Variants in KLHL4 observed in about 807,000 individuals in gnomAD.
KLHL4 encodes kelch like family member 4, also known as kelch-like protein 4.
A neutral mutation model predicts 45.8 loss-of-function variants in KLHL4; 17 were observed. The ratio of observed to expected loss-of-function variants is 0.37; its 90% CI spans 0.25 to 0.56. The LOEUF is 0.56. KLHL4 is among the 20% of genes least tolerant of loss of function. The pLI is 0.79. For synonymous variants in KLHL4, 224 were observed against 189.9 expected, an observed-to-expected ratio of 1.18 and a Z score of -1.47; for missense variants, 544 against 544.9, an observed-to-expected ratio of 1.00 and a Z score of 0.02.
In KLHL4 at chrX:87,614,444, A is replaced by G; in HGVS notation, c.601A>G (p.Ser201Gly). ...LRIPAHRLVLSAVSDYFAAMF... is the reference protein window; with the variant it reads ...LRIPAHRLVLGAVSDYFAAMF... Reference sequence around the variant, plus strand: ...ATTTCCTATTTCCAGGTTGGTTCTCAGCGCAGTGTCTGATTATTTTGCTGC... The same window carrying G: ...ATTTCCTATTTCCAGGTTGGTTCTCGGCGCAGTGTCTGATTATTTTGCTGC... The change falls in exon 3 of 11, where the codon AGC becomes GGC. Residue 201 changes from serine (S) to glycine (G), a missense_variant. By Grantham distance (56) the Ser-to-Gly change is moderately conservative. Transcript: ENST00000373119. The G allele has an allele frequency of 8.3e-7, 1 of 1,208,056 alleles. No homozygotes were observed. The highest frequency in any genetic ancestry group is 1.7e-5 in the African/African-American group (1 of 57,701).
At chrX:87,643,968 A>T (rs901448582) in intron 9 of KLHL4, among the ~76,000 whole-genome samples, 1 of 111,362 alleles carries the variant, frequency 9.0e-6, no homozygotes, top group South Asian at 3.8e-4. Context: ...AAAGTTGAAA[A>T]CATTCCCTCT....
intron 1 of KLHL4, among the ~76,000 whole-genome samples, chrX:87,541,747 G>A (rs1025399350): frequency 7.2e-5 from 8 of 111,290 alleles, no homozygotes; most frequent in Non-Finnish European, 1.9e-5. Flanking sequence ...GTGGGGCATT[G>A]CTATAAAGAT....
chrX:87,654,802 C>T (rs1248840969), intron 9 of KLHL4, among the ~76,000 whole-genome samples: 1 of 111,768 alleles, frequency 8.9e-6, no homozygotes, highest in East Asian at 2.8e-4. Flanking sequence ...TCTTTGCCAA[C>T]ATCTGTTATT....
At chrX:87,533,699 TATA>T (rs1000511367) in intron 1 of KLHL4, among the ~76,000 whole-genome samples, 3 of 110,139 alleles carry the variant, frequency 2.7e-5, no homozygotes, top group Non-Finnish European at 3.8e-5. Context: ...AAACTTAAAG[TATA>T]ATAATAATAA....
chrX:87,656,316 T>C (rs1009129949), intron 9 of KLHL4, among the ~76,000 whole-genome samples: 1 of 110,756 alleles, frequency 9.0e-6, no homozygotes, highest in Non-Finnish European at 1.9e-5. Flanking sequence ...CAGGAATACC[T>C]ATAATTTGTA....
chrX:87,654,804 T>A (rs910328848), intron 9 of KLHL4, among the ~76,000 whole-genome samples: 1 of 111,932 alleles, frequency 8.9e-6, no homozygotes, highest in Non-Finnish European at 1.9e-5. Context: ...TTTGCCAACA[T>A]CTGTTATTAT....
intron 9 of KLHL4, among the ~76,000 whole-genome samples, chrX:87,644,131 T>G (rs896983553): frequency 1.8e-5 from 2 of 111,125 alleles, no homozygotes; most frequent in East Asian, 5.7e-4. Context: ...GCTGATGATA[T>G]GATCGTTCAC....
chrX:87,611,091 A>C (rs2147811810), intron 1 of KLHL4, among the ~76,000 whole-genome samples: 1 of 111,402 alleles, frequency 9.0e-6, no homozygotes, highest in East Asian at 2.8e-4. Flanking sequence ...AAAAAGAAAA[A>C]AAGCTTCTGA....
chrX:87,658,437 G>A (rs972715314), intron 9 of KLHL4, among the ~76,000 whole-genome samples: 4 of 111,310 alleles, frequency 3.6e-5, no homozygotes, highest in Non-Finnish European at 7.5e-5. Flanking sequence ...TCTGGAATGC[G>A]TGCAACACAC....
intron 1 of KLHL4, among the ~76,000 whole-genome samples, chrX:87,604,548 C>T (rs972347085): frequency 1.0e-4 from 11 of 109,789 alleles, no homozygotes; most frequent in African/African-American, 3.6e-4. Context: ...TTTTATATAC[C>T]AGTTGGCCAT....
intron 1 of KLHL4, among the ~76,000 whole-genome samples, chrX:87,572,793 A>AT (rs1423428438): frequency 7.8e-5 from 6 of 77,145 alleles, no homozygotes; most frequent in East Asian, 1.7e-3. Flanking sequence ...TTAAAGTATA[A>AT]TAAAAAAAAA....
chrX:87,564,635 A>G (rs1359079527), intron 1 of KLHL4, among the ~76,000 whole-genome samples: 1 of 112,076 alleles, frequency 8.9e-6, no homozygotes, highest in Non-Finnish European at 1.9e-5. Flanking sequence ...ATCAAAAAGC[A>G]TACATAGCTA....
Position 87,632,362 on chromosome X carries a change from G to A in KLHL4, c.1477G>A (p.Val493Met), listed in dbSNP as rs1326340582. Residue 493 changes from valine (V) to methionine (M), a missense_variant, in exon 7 of 11, where the codon GTG (valine) becomes ATG (methionine). Coordinates refer to ENST00000373119, the MANE Select transcript of KLHL4 (RefSeq NM_019117.5). ...AGACGGTTTAAAAACTTTGAATACA[G>A]TGGAATGTTTTAATCCAGTTGGCAA... Reference protein sequence around the residue: ...GRDGLKTLNTVECFNPVGKIW... With the variant: ...GRDGLKTLNTMECFNPVGKIW... 1 of 1,210,907 alleles carries A rather than the reference G, an allele frequency of 8.3e-7. No homozygotes were observed. Among genetic ancestry groups the A allele is most frequent in the African/African-American group, 1.7e-5 (1 of 57,772 alleles).
intron 1 of KLHL4, among the ~76,000 whole-genome samples, chrX:87,605,036 G>A (rs1411065782): frequency 9.0e-6 from 1 of 111,377 alleles, no homozygotes; most frequent in African/African-American, 3.3e-5. Context: ...TTCCCAGTGT[G>A]TGTTGTTGAA....
intron 1 of KLHL4, among the ~76,000 whole-genome samples, chrX:87,586,953 C>A: frequency 9.2e-6 from 1 of 109,039 alleles, no homozygotes. Flanking sequence ...AAAACTGATA[C>A]TGCAGAATTT....
intron 1 of KLHL4, among the ~76,000 whole-genome samples, chrX:87,597,100 G>A (rs934357579): frequency 1.8e-5 from 2 of 111,734 alleles, no homozygotes; most frequent in East Asian, 5.6e-4. Flanking sequence ...AATTGGACAC[G>A]TGTATCCACA....
At chrX:87,595,869 T>C (rs2147802973) in intron 1 of KLHL4, among the ~76,000 whole-genome samples, 1 of 111,462 alleles carries the variant, frequency 9.0e-6, no homozygotes, top group South Asian at 3.8e-4. Context: ...GCATATGACA[T>C]AGTTTGGATG....
intron 9 of KLHL4, among the ~76,000 whole-genome samples, chrX:87,662,175 T>A (rs1924209520): frequency 8.9e-6 from 1 of 111,835 alleles, no homozygotes; most frequent in Non-Finnish European, 1.9e-5. Flanking sequence ...AAAATATAAT[T>A]TTCAAAAAGT....
chrX:87,530,864 T>G (rs2147765894), intron 1 of KLHL4, among the ~76,000 whole-genome samples: 1 of 108,979 alleles, frequency 9.2e-6, no homozygotes, highest in South Asian at 4.1e-4. Flanking sequence ...CCAAAATGGT[T>G]GAACTAGTTT....
Sources: allele counts gnomAD v4.1 joint callset (sites outside exome capture counted in the v4.1 genomes callset), GRCh38; gene constraint gnomAD v4.1.1; transcripts MANE v1.5; gene names NCBI Gene and HGNC (gene_info 2026-07-23, HGNC 2026-07-21).